Variants in RCOR1 observed in about 807,000 individuals in gnomAD.
The protein encoded by RCOR1 is REST corepressor.
In RCOR1, 12 loss-of-function variants were observed where a neutral mutation model predicts 64.0. The ratio of observed to expected loss-of-function variants is 0.19; its 90% confidence interval spans 0.12 to 0.30. The LOEUF is 0.30. Ranked by LOEUF, RCOR1 falls within the 10% of genes least tolerant of loss-of-function variation. The pLI is 1.00. For synonymous variants in RCOR1, 279 were observed against 227.2 expected (o/e 1.23, Z -2.05); for missense variants, 502 against 621.2 (o/e 0.81, Z 2.04).
chr14:102,651,009 G>A, intron 2 of RCOR1: 1 of 911,382 alleles, frequency 1.1e-6, no homozygotes, highest in Non-Finnish European at 1.3e-6. Flanking sequence ...TAATGAGAAT[G>A]TTCTCATTTA....
At chr14:102,669,668 T>C (rs1166141949) in intron 2 of RCOR1, among the ~76,000 whole-genome samples, 3 of 152,200 alleles carry the variant, frequency 2.0e-5, no homozygotes, top group Non-Finnish European at 4.4e-5. Context: ...AATTTTCTCA[T>C]CTATAAAATG....
chr14:102,669,265 C>T (rs1208818138), intron 2 of RCOR1, among the ~76,000 whole-genome samples: 3 of 149,986 alleles, frequency 2.0e-5, no homozygotes, highest in Admixed American at 2.0e-4. Context: ...GCTGAGATCG[C>T]GCCACTGCAC....
chr14:102,695,378 G>A (rs1028743081), intron 3 of RCOR1: 27 of 76,374 alleles, frequency 3.5e-4, no homozygotes, highest in Admixed American at 1.3e-3. Context: ...TCAAGAGATA[G>A]AACTGTGTTG....
chr14:102,712,218 T>C (rs756447145), intron 7 of RCOR1, among the ~76,000 whole-genome samples: 5 of 152,112 alleles, frequency 3.3e-5, no homozygotes, highest in Non-Finnish European at 7.4e-5. Context: ...TCTCTCACTC[T>C]GTTGCCCAGG....
At chr14:102,640,901 A>G (rs974061151) in intron 2 of RCOR1, among the ~76,000 whole-genome samples, 1 of 152,138 alleles carries the variant, frequency 6.6e-6, no homozygotes, top group East Asian at 1.9e-4. Context: ...TTGAGGCTGC[A>G]GTGAACTGCC....
Position 102,701,291 on chromosome 14 carries a change from T to A in RCOR1, c.459T>A (p.Ile153=). The A allele has an allele frequency of 6.2e-7, 1 of 1,613,074 alleles. No homozygotes were observed. Residue 153 remains isoleucine (I), a synonymous_variant, in exon 4 of 12, where the codon ATT becomes ATA. Transcript: ENST00000262241. ...CTTGTTTTTCAGTGGATGAATACAT[T>A]GCCATTGCCAAAGAAAAGCATGGGT... ...NLSEAKLDEY[I]AIAKEKHGYN... is the part of the protein sequence containing the mutation.
At chr14:102,711,471 A>G (rs1182289280) in intron 7 of RCOR1, among the ~76,000 whole-genome samples, 1 of 152,228 alleles carries the variant, frequency 6.6e-6, no homozygotes, top group Non-Finnish European at 1.5e-5. Context: ...CAATTTGGTC[A>G]CACCAGGGGG....
chr14:102,701,444 T>C (rs1660598553), intron 4 of RCOR1, 114 bp downstream of exon 4: 1 of 703,934 alleles, frequency 1.4e-6, no homozygotes, highest in Non-Finnish European at 2.3e-6. Flanking sequence ...AGCAACTTTT[T>C]GGTAATTACT....
intron 3 of RCOR1, among the ~76,000 whole-genome samples, chr14:102,688,561 G>A (rs1000521143): frequency 1.3e-5 from 2 of 152,110 alleles, no homozygotes; most frequent in Non-Finnish European, 2.9e-5. Flanking sequence ...TTGCCTAACC[G>A]GGTCAGTGCT....
intron 2 of RCOR1, among the ~76,000 whole-genome samples, chr14:102,632,144 A>T (rs991772354): frequency 2.7e-5 from 4 of 150,422 alleles, no homozygotes; most frequent in African/African-American, 7.3e-5. Flanking sequence ...CTGAATGATG[A>T]CAGAAAGAGT....
chr14:102,621,840 A>C (rs1893879169), intron 2 of RCOR1, among the ~76,000 whole-genome samples: 1 of 152,168 alleles, frequency 6.6e-6, no homozygotes, highest in Non-Finnish European at 1.5e-5. Context: ...GATAGATCTC[A>C]GTTGGTCTCT....
intron 2 of RCOR1, among the ~76,000 whole-genome samples, chr14:102,650,386 ATGGGTGGGTGGGTGGG>A (rs571574186): frequency 1.3e-3 from 30 of 23,464 alleles, no homozygotes; most frequent in Non-Finnish European, 2.6e-3. Context: ...AAATGGATGG[ATGGGTGGGTGGGTGGG>A]TGGGTGGATG....
At chr14:102,723,236 T>C (rs571636071) in intron 11 of RCOR1, among the ~76,000 whole-genome samples, 7 of 152,392 alleles carry the variant, frequency 4.6e-5, no homozygotes, top group African/African-American at 1.4e-4. Flanking sequence ...CAAACCATAC[T>C]GGAATGTTTT....
chr14:102,674,819 A>G (rs1006290471), intron 2 of RCOR1, among the ~76,000 whole-genome samples: 3 of 152,144 alleles, frequency 2.0e-5, no homozygotes, highest in African/African-American at 7.2e-5. Flanking sequence ...TCATGCCTGT[A>G]ATCCCAGCAC....
intron 2 of RCOR1, among the ~76,000 whole-genome samples, chr14:102,602,389 CTTTTCTTT>C (rs1893421060): frequency 9.1e-6 from 1 of 109,686 alleles, no homozygotes; most frequent in Non-Finnish European, 1.8e-5. Context: ...CTTTTCTTTT[CTTTTCTTT>C]TTTTTTTTTT....
chr14:102,625,224 CTTG>C (rs1337503400), intron 2 of RCOR1, among the ~76,000 whole-genome samples: 1 of 121,724 alleles, frequency 8.2e-6, no homozygotes, highest in Non-Finnish European at 1.7e-5. Context: ...CCAGGTCTAT[CTTG>C]TTACTTTTTT....
chr14:102,599,766 TA>T (rs956982069), intron 2 of RCOR1, among the ~76,000 whole-genome samples: 6 of 151,432 alleles, frequency 4.0e-5, no homozygotes, highest in East Asian at 1.9e-4. Flanking sequence ...TAGATCATTG[TA>T]AAAAAAATAT....
rs752375018 is a variant in RCOR1 at position 102,592,970 on chromosome 14, C to T, written c.84C>T (p.Ala28=). The T allele has an allele frequency of 8.7e-7, 1 of 1,149,158 alleles. No homozygotes were observed. The highest frequency in any genetic ancestry group is 3.1e-5 in the South Asian group (1 of 31,816). The allele number at this position is 1,149,158 out of a possible 1,614,324, so 71.2% of individuals were successfully genotyped here. Residue 28 remains alanine, a synonymous_variant, in exon 1 of 12, where the codon GCC becomes GCT. Transcript: ENST00000262241. ...RNNAAASASA[A]AASAAASAAC... ...ACGCGGCCGCCTCCGCCTCCGCCGC[C>T]GCCGCCTCCGCCGCCGCCTCGGCCG...
At chr14:102,708,035 G>A (rs1200130161) in intron 5 of RCOR1, among the ~76,000 whole-genome samples, 4 of 150,472 alleles carry the variant, frequency 2.7e-5, no homozygotes, top group African/African-American at 9.8e-5. Flanking sequence ...GCGCGATCTC[G>A]GCTCACTGAA....
Sources: gnomAD v4.1 joint callset for allele counts (sites outside exome capture counted in the v4.1 genomes callset) on GRCh38, gnomAD v4.1.1 for gene constraint, MANE v1.5 for transcripts, NCBI Gene and HGNC (gene_info 2026-07-23, HGNC 2026-07-21) for gene names.